ZFHX3: variants seen among roughly 807,000 people sequenced by gnomAD.
ZFHX3 encodes the protein zinc finger homeobox 3.
Under a neutral mutation model 279.1 loss-of-function variants are expected in ZFHX3, and 42 were observed. The ratio of observed to expected loss-of-function variants is 0.15; its 90% CI spans 0.12 to 0.19. The LOEUF (loss-of-function observed/expected upper bound fraction) is 0.19, where lower values mean the gene tolerates loss of function less well. Among genes scored for constraint, ZFHX3 ranks in the 10% least tolerant of loss-of-function variants. ZFHX3 has a pLI of 1.00. For missense variants in ZFHX3, 4,981 were observed against 4,754.0 expected (o/e 1.05, Z -1.40); for synonymous variants, 2,293 against 1,957.8 (o/e 1.17, Z -4.52).
chr16:73,165,961 T>A (rs1967354259), intron 5 of ZFHX3, among the ~76,000 whole-genome samples: 1 of 152,174 alleles, frequency 6.6e-6, no homozygotes, highest in African/African-American at 2.4e-5. Flanking sequence ...GTGGGCCTAA[T>A]AACAGGTTTA....
At chr16:73,811,433 C>G (rs951908380) in intron 1 of ZFHX3, among the ~76,000 whole-genome samples, 13 of 147,062 alleles carry the variant, frequency 8.8e-5, no homozygotes, top group African/African-American at 3.0e-4. Context: ...TCCCTTCAGT[C>G]TCTTCTTTTT....
chr16:73,633,744 G>T (rs1419922186), intron 2 of ZFHX3, among the ~76,000 whole-genome samples: 1 of 152,150 alleles, frequency 6.6e-6, no homozygotes, highest in East Asian at 1.9e-4. Flanking sequence ...TTTTGAATAC[G>T]AAAATTAGTT....
chr16:73,664,047 C>T (rs534061490), intron 2 of ZFHX3, among the ~76,000 whole-genome samples: 56 of 152,210 alleles, frequency 3.7e-4, no homozygotes, highest in African/African-American at 1.3e-3. Flanking sequence ...TCAAAGAGAA[C>T]TGAATATAAA....
In ZFHX3 at chr16:72,958,354, C is replaced by G. The variant is rs1467060899; in HGVS notation, c.1792G>C (p.Asp598His). ...LDFADESANK[D>H]NATAPEPNES... is the part of the protein sequence containing the mutation. The stretch of plus-strand genomic sequence containing the variant: ...TTTGGTTCTGGTGCTGTGGCATTGT[C>G]TTTATTGGCACTTTCGTCAGCGAAG... Residue 598 changes from aspartate to histidine, a missense_variant, in exon 2 of 10, where the codon GAC becomes CAC. Asp to His is a moderately conservative substitution (Grantham distance 81). Coordinates refer to ENST00000268489, the MANE Select transcript of ZFHX3 (RefSeq NM_006885.4). 3.7e-6 allele frequency: 6 copies of G among 1,614,134 alleles called. No homozygotes were observed. Among genetic ancestry groups the G allele is most frequent in the Non-Finnish European group, 5.1e-6 (6 of 1,179,994 alleles).
intron 3 of ZFHX3, among the ~76,000 whole-genome samples, chr16:72,908,506 G>T (rs1015081402): frequency 6.6e-6 from 1 of 152,216 alleles, no homozygotes. Context: ...TCCTAGGACT[G>T]ACTACACAAA....
chr16:73,597,300 C>T (rs1009794089), intron 2 of ZFHX3, among the ~76,000 whole-genome samples: 1 of 152,144 alleles, frequency 6.6e-6, no homozygotes, highest in Admixed American at 6.5e-5. Context: ...AACATTTGGT[C>T]TGTATATTTC....
Position 73,265,033 on chromosome 16 carries a change from T to TATATATATATAA in ZFHX3, c.-1193-7898_-1193-7897insTTATATATATAT, listed in dbSNP as rs766121124. Among the ~76,000 whole-genome samples the TATATATATATAA allele has an allele frequency of 5.3e-5, 8 of 150,020 alleles. No individual in the cohort carries two copies. The East Asian group carries it at 9.8e-4, about 18-fold the overall frequency. On this transcript the variant is annotated intron_variant, in intron 4 of 17. Coordinates refer to the ZFHX3 transcript ENST00000641206. ...CTCAGTGCATATATATATATATATA[T>TATATATATATAA]AACACCTCAGCGCATATATATAATA...
At chr16:73,502,300 C>T (rs1294835731) in intron 2 of ZFHX3, among the ~76,000 whole-genome samples, 1 of 152,210 alleles carries the variant, frequency 6.6e-6, no homozygotes, top group Non-Finnish European at 1.5e-5. Context: ...ACCATGGAAA[C>T]TTTTAATGAT....
At chr16:73,753,005 T>A (rs1362974527) in intron 1 of ZFHX3, among the ~76,000 whole-genome samples, 2 of 152,222 alleles carry the variant, frequency 1.3e-5, no homozygotes, top group Non-Finnish European at 2.9e-5. Context: ...TAAGGCACTT[T>A]CATGGGTCAT....
rs115292815 is a variant in ZFHX3, at chr16:73,581,332, T to A, written c.-1547+98848A>T. Among the ~76,000 whole-genome samples the A allele has an allele frequency of 5.4e-3, 818 of 152,000 alleles. 29 individuals carry two copies. The highest frequency in any genetic ancestry group is 0.019 in the African/African-American group (801 of 41,286). Reference sequence around the variant, plus strand: ...TATTAATTCCTTCCAAAGTCCTATCTACATTAAAATTTCAACTATAGCAGT... The same window carrying A: ...TATTAATTCCTTCCAAAGTCCTATCAACATTAAAATTTCAACTATAGCAGT... On this transcript the variant is annotated intron_variant, in intron 2 of 17. Transcript: ENST00000641206.
intron 5 of ZFHX3, among the ~76,000 whole-genome samples, chr16:73,227,942 A>G (rs1048888179): frequency 1.3e-5 from 2 of 151,788 alleles, no homozygotes; most frequent in African/African-American, 4.8e-5. Flanking sequence ...CATTATGTAT[A>G]GACTCTATAC....
At chr16:73,416,684 T>C (rs74940536) in intron 3 of ZFHX3, among the ~76,000 whole-genome samples, 12 of 151,890 alleles carry the variant, frequency 7.9e-5, no homozygotes, top group African/African-American at 2.4e-4. Flanking sequence ...CCATCCTGGC[T>C]AACATGGTGA....
At position 73,681,795 on chromosome 16, in the gene ZFHX3, T is replaced by A. The variant is rs200755705; in HGVS notation, c.-1607-1555A>T. Among the ~76,000 whole-genome samples, 4 of 152,194 alleles carry A rather than the reference T, an allele frequency of 2.6e-5. No homozygotes were observed. In the East Asian group the frequency reaches 5.8e-4, roughly 22 times the overall value. On this transcript the variant is annotated intron_variant, in intron 1 of 17. Transcript: ENST00000641206. ...CATTGTTGCTAGAAAATCTGAAAACTATAACAATGGAAGGGTAGGCTTGCA... is the reference window on the plus strand; with the variant it reads ...CATTGTTGCTAGAAAATCTGAAAACAATAACAATGGAAGGGTAGGCTTGCA...
chr16:72,924,450 G>A (rs530019244), intron 3 of ZFHX3, among the ~76,000 whole-genome samples: 87 of 152,178 alleles, frequency 5.7e-4, no homozygotes, highest in Non-Finnish European at 1.0e-3. Context: ...ACCTGCCTTT[G>A]TGTCCACAGT....
At chr16:73,003,167 C>T (rs1393898696) in intron 1 of ZFHX3, among the ~76,000 whole-genome samples, 4 of 152,104 alleles carry the variant, frequency 2.6e-5, no homozygotes, top group Non-Finnish European at 1.5e-5. Flanking sequence ...AGATAGTTTC[C>T]ATTTTTCACT....
chr16:73,347,552 TGA>T (rs1467105236), intron 3 of ZFHX3, among the ~76,000 whole-genome samples: 1 of 152,186 alleles, frequency 6.6e-6, no homozygotes, highest in Non-Finnish European at 1.5e-5. Flanking sequence ...GGAGGCTCAG[TGA>T]GAGAGAAAGT....
At chr16:73,861,586 T>C (rs962787986) in intron 1 of ZFHX3, among the ~76,000 whole-genome samples, 1 of 152,166 alleles carries the variant, frequency 6.6e-6, no homozygotes, top group Admixed American at 6.5e-5. Context: ...ACGTTGTTTA[T>C]CTTCTTCCTC....
At chr16:73,506,654 C>T (rs1380000797) in intron 2 of ZFHX3, among the ~76,000 whole-genome samples, 1 of 152,178 alleles carries the variant, frequency 6.6e-6, no homozygotes, top group Non-Finnish European at 1.5e-5. Context: ...CCACATGTAG[C>T]CCTGACCGCG....
In ZFHX3 at chr16:72,924,974, G is replaced by A. The variant is rs139909403; in HGVS notation, c.3216+25495C>T. 3.8e-3 allele frequency among the ~76,000 whole-genome samples: 577 copies of A among 152,224 alleles called. 8 individuals are homozygous for A. Among genetic ancestry groups the A allele is most frequent in the Admixed American group, 0.034 (519 of 15,284 alleles). On this transcript the variant is annotated intron_variant, in intron 3 of 9. Transcript: ENST00000268489. ...GAAGGCAGATGGGTCTTACTCCGGCGCCCCAGCTGGCAAGTCTGAACTCTG... is the reference window on the plus strand; with the variant it reads ...GAAGGCAGATGGGTCTTACTCCGGCACCCCAGCTGGCAAGTCTGAACTCTG...
Sources: gnomAD v4.1 joint callset for allele counts (sites outside exome capture counted in the v4.1 genomes callset) on GRCh38, gnomAD v4.1.1 for gene constraint, MANE v1.5 for transcripts, NCBI Gene and HGNC (gene_info 2026-07-23, HGNC 2026-07-21) for gene names.